Variants in PLCL1 observed in about 807,000 individuals in gnomAD.
The protein encoded by PLCL1 is inactive phospholipase C-like protein 1.
A neutral mutation model predicts 84.4 loss-of-function variants in PLCL1; 41 were observed. The ratio of observed to expected loss-of-function variants is 0.49; its 90% confidence interval spans 0.38 to 0.63. The LOEUF is 0.63. PLCL1 is among the 30% of genes least tolerant of loss of function. The probability of loss-of-function intolerance (pLI) is 0.00; values close to 1 mark genes in which losing one functional copy is unlikely to be tolerated. For missense variants in PLCL1, 1,206 were observed against 1,367.8 expected (o/e 0.88, Z 1.87); for synonymous variants, 490 against 488.3 (o/e 1.00, Z -0.05).
At chr2:197,922,490 C>G (rs949093390) in intron 1 of PLCL1, among the ~76,000 whole-genome samples, 5 of 118,228 alleles carry the variant, frequency 4.2e-5, no homozygotes, top group African/African-American at 1.4e-4. Flanking sequence ...CACAAAGCCG[C>G]CATTGTCATC....
intron 1 of PLCL1, among the ~76,000 whole-genome samples, chr2:197,953,234 A>AAAGT (rs1689422496): frequency 6.6e-6 from 1 of 152,046 alleles, no homozygotes; most frequent in African/African-American, 2.4e-5. Context: ...TATAATTTCC[A>AAAGT]AAGTTTGGTT....
intron 1 of PLCL1, among the ~76,000 whole-genome samples, chr2:198,002,610 A>C (rs1374982668): frequency 6.6e-6 from 1 of 152,186 alleles, no homozygotes; most frequent in Non-Finnish European, 1.5e-5. Flanking sequence ...ATTTCCAGTA[A>C]CTTAGCTTGT....
At chr2:198,051,353 C>A (rs995722978) in intron 1 of PLCL1, among the ~76,000 whole-genome samples, 1 of 152,144 alleles carries the variant, frequency 6.6e-6, no homozygotes, top group African/African-American at 2.4e-5. Flanking sequence ...CTATATCCAG[C>A]TTCCCCTAAT....
chr2:197,956,748 G>A (rs766342548), intron 1 of PLCL1, among the ~76,000 whole-genome samples: 1 of 151,868 alleles, frequency 6.6e-6, no homozygotes. Context: ...CATATCCTTT[G>A]ACCACTTTTT....
intron 1 of PLCL1, among the ~76,000 whole-genome samples, chr2:197,974,556 G>A (rs1374987338): frequency 6.6e-6 from 1 of 152,172 alleles, no homozygotes; most frequent in Non-Finnish European, 1.5e-5. Flanking sequence ...CTGATGATAG[G>A]CTCATTCACT....
In PLCL1 at chr2:198,083,974, C is replaced by G; in HGVS notation, c.457C>G (p.Leu153Val). Residue 153 changes from leucine to valine, a missense_variant, in exon 2 of 6, where the codon CTC becomes GTC. Leu to Val is a conservative substitution (Grantham distance 32). Transcript: ENST00000428675. ...TCGCTGGGAACCTTCAAAGAAAGAC[C>G]TCGAGAAAGCCAAGCTTGATATTTC... The part of the protein sequence containing the change: ...ALRWEPSKKD[L>V]EKAKLDISAI... The G allele has an allele frequency of 6.2e-7, 1 of 1,614,050 alleles. No homozygotes were observed. The highest frequency in any genetic ancestry group is 8.5e-7 in the Non-Finnish European group (1 of 1,179,980).
At chr2:197,969,684 G>A (rs907257542) in intron 1 of PLCL1, among the ~76,000 whole-genome samples, 14 of 152,202 alleles carry the variant, frequency 9.2e-5, no homozygotes, top group African/African-American at 3.4e-4. Flanking sequence ...CTGAGCAGAT[G>A]ATAAGATTGT....
chr2:197,956,450 G>A (rs376434009), intron 1 of PLCL1, among the ~76,000 whole-genome samples: 4 of 151,990 alleles, frequency 2.6e-5, no homozygotes, highest in Non-Finnish European at 4.4e-5. Flanking sequence ...ATGGGATTAC[G>A]GGGTCAAATG....
intron 1 of PLCL1, among the ~76,000 whole-genome samples, chr2:197,911,839 G>T (rs1688489786): frequency 6.6e-6 from 1 of 152,154 alleles, no homozygotes; most frequent in South Asian, 2.1e-4. Context: ...AGTTTATGCT[G>T]CCCTTGAGTC....
intron 1 of PLCL1, among the ~76,000 whole-genome samples, chr2:197,809,590 A>C (rs1228781234): frequency 2.0e-5 from 3 of 152,150 alleles, no homozygotes; most frequent in African/African-American, 7.2e-5. Context: ...AAGACAGAGC[A>C]ATCTGGCAGG....
chr2:198,136,586 C>T (rs922403513), intron 5 of PLCL1, among the ~76,000 whole-genome samples: 10 of 152,020 alleles, frequency 6.6e-5, no homozygotes, highest in African/African-American at 2.2e-4. Context: ...TCCTGGGGTT[C>T]CACTCGTCAG....
rs1369919080 is a variant in PLCL1, at chr2:198,147,830, G to A, written c.*868G>A. On this transcript the variant is annotated 3_prime_UTR_variant, in exon 6 of 6. Transcript: ENST00000428675. ...GGAAGGTCTCATTCTTCCAAGCTGA[G>A]AGTCTAGCACTCATTTTCTATAACA... is the stretch of plus-strand genomic sequence containing the variant. 2.0e-5 allele frequency: 3 copies of A among 152,274 alleles called. No individual in the cohort carries two copies. The highest frequency in any genetic ancestry group is 7.2e-5 in the African/African-American group (3 of 41,440). 9.4% of individuals were successfully genotyped at this position (152,274 alleles called of 1,614,324 possible). A position where few individuals can be genotyped will look rare whatever the true frequency, so the allele number is the denominator to read the frequency against.
At chr2:198,004,123 A>C (rs1690670133) in intron 1 of PLCL1, among the ~76,000 whole-genome samples, 1 of 150,898 alleles carries the variant, frequency 6.6e-6, no homozygotes, top group South Asian at 2.1e-4. Context: ...TAAGGATTCA[A>C]TGTAATATAT....
At chr2:198,095,353 G>A (rs1693167798) in intron 3 of PLCL1, among the ~76,000 whole-genome samples, 1 of 152,132 alleles carries the variant, frequency 6.6e-6, no homozygotes, top group African/African-American at 2.4e-5. Flanking sequence ...TTTTAAGGCT[G>A]ATAATGTCAT....
Position 197,850,013 on chromosome 2 carries a change from GACACACAGAC to G in PLCL1, c.240+44692_240+44701del, listed in dbSNP as rs1236928401. Among the ~76,000 whole-genome samples, 3 of 119,938 alleles carry G rather than the reference GACACACAGAC, an allele frequency of 2.5e-5. No homozygotes were observed. In the South Asian group the frequency reaches 8.1e-4, roughly 32 times the overall value. The allele number at this position is 119,938 out of a possible 152,430, so 78.7% of individuals were successfully genotyped here. On this transcript the variant is annotated intron_variant, in intron 1 of 5. Coordinates refer to ENST00000428675, the MANE Select transcript of PLCL1 (RefSeq NM_006226.4). ...TAGAGGTTAAACACACAGACACACAGACACACAGACACACACAGACACACACACACACACA... is the reference window on the plus strand; with the variant it reads ...TAGAGGTTAAACACACAGACACACAGACACACAGACACACACACACACACA...
chr2:197,860,510 C>G (rs1378553744), intron 1 of PLCL1, among the ~76,000 whole-genome samples: 1 of 152,072 alleles, frequency 6.6e-6, no homozygotes, highest in Non-Finnish European at 1.5e-5. Context: ...TATAAGTGTT[C>G]CCTTTTCTCT....
intron 1 of PLCL1, among the ~76,000 whole-genome samples, chr2:198,009,031 C>T (rs887333496): frequency 6.6e-6 from 1 of 151,786 alleles, no homozygotes; most frequent in African/African-American, 2.4e-5. Flanking sequence ...AAGTTCTTTG[C>T]CTATTTTAGA....
At chr2:197,988,122 A>G (rs377291712) in intron 1 of PLCL1, among the ~76,000 whole-genome samples, 2 of 152,350 alleles carry the variant, frequency 1.3e-5, no homozygotes, top group African/African-American at 2.4e-5. Context: ...AAGTAGGAGC[A>G]TGTAGAAGCT....
rs567448818 is a variant in PLCL1, at chr2:197,835,036, A to C, written c.240+29697A>C. Among the ~76,000 whole-genome samples the C allele has an allele frequency of 2.0e-5, 3 of 152,342 alleles. No individual in the cohort carries two copies. The South Asian group carries it at 6.2e-4, about 32-fold the overall frequency. ...AAGCTGGAAACCATCATTCTCAGCAAAGTAATGCAGGAACAGAAAACCAAA... is the reference window on the plus strand; with the variant it reads ...AAGCTGGAAACCATCATTCTCAGCACAGTAATGCAGGAACAGAAAACCAAA... On this transcript the variant is annotated intron_variant, in intron 1 of 5. Coordinates refer to ENST00000428675, the MANE Select transcript of PLCL1 (RefSeq NM_006226.4).
Sources: allele counts gnomAD v4.1 joint callset (sites outside exome capture counted in the v4.1 genomes callset), GRCh38; gene constraint gnomAD v4.1.1; transcripts MANE v1.5; gene names NCBI Gene and HGNC (gene_info 2026-07-23, HGNC 2026-07-21).